MYOM2: variants seen among roughly 807,000 people sequenced by gnomAD.
MYOM2 encodes the protein myomesin-2.
MYOM2 carries 254 observed loss-of-function variants against 187.6 expected under a neutral mutation model. That is an observed-to-expected ratio of 1.35 (90% confidence interval 1.22 to 1.50). The LOEUF is 1.50. Ranked by LOEUF, MYOM2 falls within the 40% of genes most tolerant of loss-of-function variation. MYOM2 has a pLI of 0.00. For missense variants in MYOM2, 2,796 were observed against 1,924.0 expected (o/e 1.45, Z -8.48); for synonymous variants, 981 against 753.8 (o/e 1.30, Z -4.94).
Position 2,109,380 on chromosome 8 carries a change from C to G in MYOM2, c.3044-15C>G, listed in dbSNP as rs564140691. The G allele has an allele frequency of 6.3e-6, 10 of 1,590,876 alleles. No individual in the cohort carries two copies. The South Asian group carries it at 8.0e-5, about 13-fold the overall frequency. On this transcript the variant is annotated splice_polypyrimidine_tract_variant and intron_variant, in intron 24 of 36. Coordinates refer to ENST00000262113, the MANE Select transcript of MYOM2 (RefSeq NM_003970.4). ...TTCATGCATTATTGACTTGCGATTT[C>G]TTTTCTTCCTGTAGCAATTCCTCTG...
At chr8:2,079,389 A>G (rs929143411) in intron 12 of MYOM2, among the ~76,000 whole-genome samples, 171 bp from the exon 13 acceptor site, 3 of 152,024 alleles carry the variant, frequency 2.0e-5, no homozygotes, top group African/African-American at 7.3e-5. Context: ...AAGAGCTGAG[A>G]AGTGCTAACT....
intron 15 of MYOM2, 135 bp from the exon 16 acceptor site, chr8:2,092,210 TG>T: frequency 9.5e-7 from 1 of 1,053,702 alleles, no homozygotes; most frequent in Non-Finnish European, 1.4e-6. Context: ...CTCCTACTCC[TG>T]GACCCCTTGT....
At chr8:2,047,555 AT>A (rs1215600121) in intron 1 of MYOM2, among the ~76,000 whole-genome samples, 1 of 152,152 alleles carries the variant, frequency 6.6e-6, no homozygotes, top group African/African-American at 2.4e-5. Flanking sequence ...AAGGGTTCTG[AT>A]TTAGGCTTGG....
At chr8:2,057,201 G>A (rs1563416681) in intron 3 of MYOM2, 147 bp from the exon 4 acceptor site, 2 of 855,958 alleles carry the variant, frequency 2.3e-6, no homozygotes, top group Non-Finnish European at 3.4e-6. Flanking sequence ...AGATTCAAAT[G>A]AGCAGAAGTA....
chr8:2,111,834 C>G (rs576667447), intron 25 of MYOM2, among the ~76,000 whole-genome samples: 5 of 152,294 alleles, frequency 3.3e-5, no homozygotes, highest in African/African-American at 1.2e-4. Context: ...GTAGATGTAC[C>G]AATTTCCTGT....
Position 2,129,187 on chromosome 8 carries a change from T to G in MYOM2, c.3755T>G (p.Phe1252Cys). ...CCAGAAGGAATACGACTTCAGTGTT[T>G]CATGAAGTATTTTACAGACGAAATG... Reference protein sequence around the residue: ...CTPEGIRLQCFMKYFTDEMKV... With the variant: ...CTPEGIRLQCCMKYFTDEMKV... Residue 1252 changes from phenylalanine to cysteine, a missense_variant, in exon 32 of 37, where the codon TTC (phenylalanine) becomes TGC (cysteine). Transcript: ENST00000262113. 2 of 1,612,298 alleles carry G rather than the reference T, an allele frequency of 1.2e-6. No homozygotes were observed. Among genetic ancestry groups the G allele is most frequent in the Non-Finnish European group, 1.7e-6 (2 of 1,178,384 alleles).
At chr8:2,083,577 T>G (rs1036340857) in intron 13 of MYOM2, among the ~76,000 whole-genome samples, 7 of 152,224 alleles carry the variant, frequency 4.6e-5, no homozygotes, top group African/African-American at 1.7e-4. Context: ...CTCAGCAGTA[T>G]CTTACATGTG....
intron 32 of MYOM2, among the ~76,000 whole-genome samples, chr8:2,131,997 C>T (rs908600642): frequency 6.6e-6 from 1 of 152,148 alleles, no homozygotes; most frequent in African/African-American, 2.4e-5. Flanking sequence ...TAACTTCTTA[C>T]TATTTGACTA....
At chr8:2,077,871 C>T (rs1419603310) in intron 11 of MYOM2, among the ~76,000 whole-genome samples, 1 of 152,178 alleles carries the variant, frequency 6.6e-6, no homozygotes, top group Non-Finnish European at 1.5e-5. Context: ...CCTGAAGTTG[C>T]AGGTTTTCCC....
chr8:2,086,948 T>C (rs982344487), intron 14 of MYOM2, among the ~76,000 whole-genome samples: 20 of 151,980 alleles, frequency 1.3e-4, no homozygotes, highest in African/African-American at 4.4e-4. Context: ...TTTTTTTTTT[T>C]CCTGAATGCA....
At chr8:2,123,932 C>G (rs1445823987) in intron 30 of MYOM2, among the ~76,000 whole-genome samples, 1 of 152,226 alleles carries the variant, frequency 6.6e-6, no homozygotes, top group Non-Finnish European at 1.5e-5. Flanking sequence ...AACACTGAGG[C>G]AGTGATTCAG....
chr8:2,091,202 T>C (rs1311926813), intron 15 of MYOM2, among the ~76,000 whole-genome samples: 1 of 152,112 alleles, frequency 6.6e-6, no homozygotes, highest in African/African-American at 2.4e-5. Context: ...TAATTAATGC[T>C]TTTTTAAAAA....
At position 2,109,339 on chromosome 8, in the gene MYOM2, T is replaced by G. The variant is rs561343176; in HGVS notation, c.3044-56T>G. 116 of 1,521,300 alleles carry G rather than the reference T, an allele frequency of 7.6e-5. 1 individual carries two copies. In the African/African-American group the frequency reaches 1.4e-3, roughly 19 times the overall value. 94.2% of individuals were successfully genotyped at this position (1,521,300 alleles called of 1,614,324 possible). A position where few individuals can be genotyped will look rare whatever the true frequency, so the allele number is the denominator to read the frequency against. The stretch of plus-strand genomic sequence containing the variant: ...GATATTTCCCTACAATTTGCAGGTA[T>G]TCTTCCTCACAAGGATTCATGCATT... On this transcript the variant is annotated intron_variant, in intron 24 of 36. Transcript: ENST00000262113.
In MYOM2 at chr8:2,106,229, T is replaced by C; in HGVS notation, c.2735-13T>C. ...TGTCCCTAAGCCGCTCACTTCATACTCTTCTTATGCAGGCACCAAGGAAAT... is the reference window on the plus strand; with the variant it reads ...TGTCCCTAAGCCGCTCACTTCATACCCTTCTTATGCAGGCACCAAGGAAAT... On this transcript the variant is annotated splice_polypyrimidine_tract_variant and intron_variant, in intron 21 of 36. Coordinates refer to ENST00000262113, the MANE Select transcript of MYOM2 (RefSeq NM_003970.4). The C allele has an allele frequency of 6.2e-7, 1 of 1,613,672 alleles. No homozygotes were observed. The highest frequency in any genetic ancestry group is 2.2e-5 in the East Asian group (1 of 44,864).
At chr8:2,058,282 G>A (rs1178262050) in intron 5 of MYOM2, among the ~76,000 whole-genome samples, 1 of 152,080 alleles carries the variant, frequency 6.6e-6, no homozygotes, top group African/African-American at 2.4e-5. Flanking sequence ...GCCTCCCAAA[G>A]TCCTGGGGTG....
At chr8:2,091,553 G>A (rs1442573752) in intron 15 of MYOM2, among the ~76,000 whole-genome samples, 3 of 152,176 alleles carry the variant, frequency 2.0e-5, no homozygotes, top group Admixed American at 1.3e-4. Context: ...GAGTGCCTGG[G>A]TGCCCTCCAC....
chr8:2,108,819 T>G lies in MYOM2; in HGVS notation c.3032T>G (p.Ile1011Arg), dbSNP rs771369349. ...LERLMALSNE[I>R]KNPTIPLKSE... ...CGTTTGATGGCATTGAGCAATGAAA[T>G]AAAGAACCCCAGTAAGTAAGCCTCC... Residue 1011 changes from isoleucine to arginine, a missense_variant, in exon 24 of 37, where the codon ATA becomes AGA. Transcript: ENST00000262113. 6.2e-7 allele frequency: 1 copy of G among 1,613,910 alleles called. No individual in the cohort carries two copies. The highest frequency in any genetic ancestry group is 1.1e-5 in the South Asian group (1 of 91,024).
At position 2,108,847 on chromosome 8, in the gene MYOM2, C is replaced by T. The variant is rs775831938; in HGVS notation, c.3043+17C>T. On this transcript the variant is annotated intron_variant, in intron 24 of 36. Coordinates refer to ENST00000262113, the MANE Select transcript of MYOM2 (RefSeq NM_003970.4). ...AGAACCCCAGTAAGTAAGCCTCCAGCCCTTCCCCTCTGCTTGCAGCTGCTG... is the reference window on the plus strand; with the variant it reads ...AGAACCCCAGTAAGTAAGCCTCCAGTCCTTCCCCTCTGCTTGCAGCTGCTG... 9.3e-6 allele frequency: 15 copies of T among 1,613,264 alleles called. No individual in the cohort carries two copies. Among genetic ancestry groups the T allele is most frequent in the Non-Finnish European group, 1.3e-5 (15 of 1,179,604 alleles).
At chr8:2,112,680 C>A (rs1866716) in intron 25 of MYOM2, among the ~76,000 whole-genome samples, 8 of 151,924 alleles carry the variant, frequency 5.3e-5, no homozygotes, top group African/African-American at 1.7e-4. Context: ...TGCTAATATT[C>A]GTCTTCTAAA....
Sources: allele counts gnomAD v4.1 joint callset (sites outside exome capture counted in the v4.1 genomes callset), GRCh38; gene constraint gnomAD v4.1.1; transcripts MANE v1.5; gene names NCBI Gene and HGNC (gene_info 2026-07-23, HGNC 2026-07-21).